The following NDUFA10 variants were observed in gnomAD, a reference collection of about 807,000 sequenced individuals.
NDUFA10 encodes the protein NADH:ubiquinone oxidoreductase subunit A10.
In NDUFA10, 40 loss-of-function variants were observed where a neutral mutation model predicts 47.8. That is an observed-to-expected ratio of 0.84 (90% CI 0.65 to 1.09). The LOEUF is 1.09. NDUFA10 is among the 50% of genes least tolerant of loss of function. NDUFA10 has a pLI of 0.00. For synonymous variants in NDUFA10, 183 were observed against 172.2 expected (o/e 1.06, Z -0.49); for missense variants, 413 against 451.1 (o/e 0.92, Z 0.76).
chr2:239,942,779 C>A lies in NDUFA10; in HGVS notation c.294+47295G>T, dbSNP rs190508086. On this transcript the variant is annotated intron_variant, in intron 4 of 5. Coordinates refer to the NDUFA10 transcript ENST00000419408. The stretch of plus-strand genomic sequence containing the variant: ...CCCTGCCTTTCCATTCTCTTCAAGC[C>A]CGAGCAGCTCTGACTGGGTCCTCAT... 7.6e-4 allele frequency among the ~76,000 whole-genome samples: 115 copies of A among 152,212 alleles called. 1 individual carries two copies. The highest frequency in any genetic ancestry group is 7.2e-3 in the South Asian group (35 of 4,828).
chr2:240,011,480 T>TTA (rs1697141028), intron 6 of NDUFA10, 137 bp downstream of exon 6: 1 of 716,026 alleles, frequency 1.4e-6, no homozygotes, highest in Admixed American at 2.3e-5. Context: ...TTTTTCTTAT[T>TTA]TATAAACATC....
At chr2:239,964,083 T>C (rs1340894420) in intron 9 of NDUFA10, among the ~76,000 whole-genome samples, 4 of 152,144 alleles carry the variant, frequency 2.6e-5, no homozygotes, top group Non-Finnish European at 4.4e-5. Flanking sequence ...CGCCCATGCA[T>C]GTGCAGGGGG....
intron 5 of NDUFA10, among the ~76,000 whole-genome samples, chr2:239,892,882 T>C (rs1383926418): frequency 2.0e-5 from 3 of 152,208 alleles, no homozygotes; most frequent in Non-Finnish European, 4.4e-5. Flanking sequence ...TCTACAAATG[T>C]GTAGGCAGGG....
chr2:239,949,131 G>A (rs565863440), intron 4 of NDUFA10, among the ~76,000 whole-genome samples: 2 of 152,296 alleles, frequency 1.3e-5, no homozygotes, highest in African/African-American at 4.8e-5. Context: ...GATAGTGTCG[G>A]GATTTTAAGG....
intron 6 of NDUFA10, 95 bp from the exon 7 acceptor site, chr2:240,007,465 A>G: frequency 1.1e-6 from 1 of 881,314 alleles, no homozygotes; most frequent in Non-Finnish European, 1.9e-6. Context: ...TCCTGCTCAA[A>G]TTTAAAACCT....
Position 239,920,802 on chromosome 2 carries a change from A to C in NDUFA10, c.295-25488T>G, listed in dbSNP as rs75656568. On this transcript the variant is annotated intron_variant, in intron 4 of 5. Coordinates refer to the NDUFA10 transcript ENST00000419408. ...CCCCAGCCACACCTGCTATTGAAAGAAAGCCTGGCAGATGCAGATGAACAC... is the reference window on the plus strand; with the variant it reads ...CCCCAGCCACACCTGCTATTGAAAGCAAGCCTGGCAGATGCAGATGAACAC... 3.5e-3 allele frequency among the ~76,000 whole-genome samples: 529 copies of C among 152,298 alleles called. 6 individuals are homozygous for C. Among genetic ancestry groups the C allele is most frequent in the African/African-American group, 0.012 (501 of 41,558 alleles).
At chr2:240,022,447 G>A (rs1697662990) in intron 1 of NDUFA10, 107 bp from the exon 2 acceptor site, 1 of 1,491,942 alleles carries the variant, frequency 6.7e-7, no homozygotes, top group Non-Finnish European at 9.2e-7. Flanking sequence ...TGATAAAAAT[G>A]CCAACATCTA....
In NDUFA10 at chr2:239,959,145, A is replaced by G. The variant is rs1694744086; in HGVS notation, c.*1973T>C. The G allele has an allele frequency of 1.0e-6, 1 of 985,318 alleles. No individual in the cohort carries two copies. The highest frequency in any genetic ancestry group is 4.7e-5 in the South Asian group (1 of 21,288). 61.0% of individuals were successfully genotyped at this position (985,318 alleles called of 1,614,324 possible). A position where few individuals can be genotyped will look rare whatever the true frequency, so the allele number is the denominator to read the frequency against. On this transcript the variant is annotated 3_prime_UTR_variant, in exon 10 of 10. Transcript: ENST00000252711. The stretch of plus-strand genomic sequence containing the variant: ...ACAGACGAATGTCCTCAGCACTACA[A>G]ATTACATACTTCCCACTCCATCAAG...
At chr2:240,022,068 T>C in intron 2 of NDUFA10, 104 bp downstream of exon 2, 1 of 957,218 alleles carries the variant, frequency 1.0e-6, no homozygotes, top group Non-Finnish European at 1.4e-6. Flanking sequence ...GCCCAATTAT[T>C]AAATATTTAA....
At chr2:239,969,521 T>G (rs1004763137) in intron 9 of NDUFA10, 2 of 384,060 alleles carry the variant, frequency 5.2e-6, no homozygotes, top group South Asian at 3.9e-5. Flanking sequence ...ACAGAAGAGC[T>G]TCTGGTGCCA....
chr2:239,895,860 C>T lies in NDUFA10; in HGVS notation c.295-546G>A, dbSNP rs188209302. On this transcript the variant is annotated intron_variant, in intron 4 of 5. Coordinates refer to the NDUFA10 transcript ENST00000419408. ...CGTGCTACTGCCTTCTTGACACTGC[C>T]TGCAGCTTACTGGTGAAAATGGAAG... 1.1e-3 allele frequency among the ~76,000 whole-genome samples: 175 copies of T among 152,348 alleles called. 1 individual carries two copies. The highest frequency in any genetic ancestry group is 3.4e-3 in the African/African-American group (142 of 41,582).
chr2:239,954,373 G>A (rs540731166), downstream of NDUFA10, among the ~76,000 whole-genome samples: 142 of 152,370 alleles, frequency 9.3e-4, no homozygotes, highest in African/African-American at 3.0e-3. Context: ...CCTCAGGGTT[G>A]TGAAAGTGGG....
chr2:239,932,311 G>A (rs1033784473), intron 4 of NDUFA10, among the ~76,000 whole-genome samples: 1 of 152,112 alleles, frequency 6.6e-6, no homozygotes, highest in South Asian at 2.1e-4. Flanking sequence ...GTGCTTGGCC[G>A]AAACTGTTGT....
chr2:239,975,463 G>A (rs760774646), intron 9 of NDUFA10, among the ~76,000 whole-genome samples: 15 of 152,218 alleles, frequency 9.9e-5, no homozygotes, highest in Admixed American at 5.2e-4. Context: ...CAGCATGGCC[G>A]CCCGGCCACA....
At chr2:239,912,221 C>T (rs1027581349) in intron 4 of NDUFA10, among the ~76,000 whole-genome samples, 1 of 152,146 alleles carries the variant, frequency 6.6e-6, no homozygotes, top group Admixed American at 6.5e-5. Context: ...GCTGGGCTCC[C>T]CTGGCTCCAT....
chr2:239,904,851 G>A (rs1574767210), intron 4 of NDUFA10, among the ~76,000 whole-genome samples: 1 of 152,320 alleles, frequency 6.6e-6, no homozygotes, highest in Non-Finnish European at 1.5e-5. Context: ...GGTCCCTCCT[G>A]CCTCGTCCAG....
intron 9 of NDUFA10, among the ~76,000 whole-genome samples, chr2:239,978,663 C>T (rs578169112): frequency 6.6e-6 from 1 of 152,316 alleles, no homozygotes; most frequent in African/African-American, 2.4e-5. Flanking sequence ...CCAGCAGCGA[C>T]GCCAGTTGTA....
chr2:239,905,876 G>A (rs1276436684), intron 4 of NDUFA10, among the ~76,000 whole-genome samples: 1 of 148,068 alleles, frequency 6.8e-6, no homozygotes, highest in Non-Finnish European at 1.5e-5. Flanking sequence ...AGCCTGGGAG[G>A]GGACAGGAGG....
intron 8 of NDUFA10, among the ~76,000 whole-genome samples, chr2:239,995,941 A>T (rs929143351): frequency 6.6e-6 from 1 of 152,246 alleles, no homozygotes; most frequent in Non-Finnish European, 1.5e-5. Context: ...TATATGATGC[A>T]AAAACTAATA....
Sources: gnomAD v4.1 joint callset for allele counts (sites outside exome capture counted in the v4.1 genomes callset) on GRCh38, gnomAD v4.1.1 for gene constraint, MANE v1.5 for transcripts, NCBI Gene and HGNC (gene_info 2026-07-23, HGNC 2026-07-21) for gene names.